Variants in FAM200A observed in about 807,000 individuals in gnomAD.
The protein encoded by FAM200A is ZBED8 like, also known as protein FAM200A.
Under a neutral mutation model 44.2 loss-of-function variants are expected in FAM200A, and 26 were observed. That is an observed-to-expected ratio of 0.59 (90% CI 0.43 to 0.82). The LOEUF (loss-of-function observed/expected upper bound fraction) is 0.82, where lower values mean the gene tolerates loss of function less well. Among genes scored for constraint, FAM200A ranks in the 40% least tolerant of loss-of-function variants. The pLI is 0.00. For missense variants in FAM200A, 606 were observed against 669.5 expected (o/e 0.91, Z 1.05); for synonymous variants, 206 against 244.4 (o/e 0.84, Z 1.47).
chr7:99,551,889 T>C lies in FAM200A; in HGVS notation c.-135A>G, dbSNP rs536583241. 10 of 985,544 alleles carry C rather than the reference T, an allele frequency of 1.0e-5. No individual in the cohort carries two copies. In the East Asian group the frequency reaches 4.5e-4, roughly 45 times the overall value. The allele number at this position is 985,544 out of a possible 1,614,324, so 61.0% of individuals were successfully genotyped here. On this transcript the variant is annotated 5_prime_UTR_variant, in exon 1 of 2. Transcript: ENST00000449309. ...GGACACCTCTGCTGGGGGACAGCGC[T>C]TGCCACCGCCGAGGCTGGCGCGAGG... is the stretch of plus-strand genomic sequence containing the variant.
intron 1 of FAM200A, among the ~76,000 whole-genome samples, chr7:99,550,189 C>A (rs1802496340): frequency 6.6e-6 from 1 of 151,966 alleles, no homozygotes; most frequent in Non-Finnish European, 1.5e-5. Context: ...CAGCTCACTG[C>A]AACCTCCGCC....
At position 99,547,871 on chromosome 7, in the gene FAM200A, A is replaced by G. The variant is rs1290252765; in HGVS notation, c.537T>C (p.Asn179=). 1.3e-6 allele frequency: 2 copies of G among 1,551,158 alleles called. No homozygotes were observed. ...ATAAATCTAATCCAGTTATATGTGA[A>G]TTTAAATTTAAACAACATAAGAGAT... ...VEDLLCCLNL[N]SHITGLDLFT... is the part of the protein sequence containing the mutation. Residue 179 remains asparagine (N), a synonymous_variant, in exon 2 of 2, where the codon AAT becomes AAC. Coordinates refer to ENST00000449309, the MANE Select transcript of FAM200A (RefSeq NM_145111.4).
upstream of FAM200A, among the ~76,000 whole-genome samples, chr7:99,555,689 G>C (rs375232610): frequency 3.2e-4 from 49 of 152,212 alleles, no homozygotes; most frequent in African/African-American, 1.2e-3. Context: ...TGGGTGGATT[G>C]CTTGAGGTCA....
chr7:99,556,553 T>A (rs534455635), upstream of FAM200A, among the ~76,000 whole-genome samples: 39 of 152,342 alleles, frequency 2.6e-4, no homozygotes, highest in African/African-American at 8.9e-4. Flanking sequence ...CTGGACTTTC[T>A]GTTCTGCTCT....
upstream of FAM200A, among the ~76,000 whole-genome samples, chr7:99,554,977 A>G (rs1211523042): frequency 2.0e-5 from 3 of 152,218 alleles, no homozygotes; most frequent in Non-Finnish European, 2.9e-5. Flanking sequence ...TTGCCTTAGA[A>G]GGCATGACCT....
chr7:99,547,382 T>A lies in FAM200A; in HGVS notation c.1026A>T (p.Thr342=), dbSNP rs1276247272. 1 of 1,549,714 alleles carries A rather than the reference T, an allele frequency of 6.5e-7. No homozygotes were observed. The highest frequency in any genetic ancestry group is 8.7e-7 in the Non-Finnish European group (1 of 1,146,522). The change falls in exon 2 of 2, where the codon ACA becomes ACT. Residue 342 remains threonine, a synonymous_variant. Coordinates refer to ENST00000449309, the MANE Select transcript of FAM200A (RefSeq NM_145111.4). The stretch of plus-strand genomic sequence containing the variant: ...AAATATCACTTAAATATGCCAATTT[T>A]GTTACCCAAATGTCGTCTTCAAAAA... ...ANIFEDDIWV[T]KLAYLSDIFG...
intron 1 of FAM200A, chr7:99,558,264 T>C (rs1004231265): frequency 6.6e-6 from 1 of 152,154 alleles, no homozygotes; most frequent in Non-Finnish European, 1.5e-5. Flanking sequence ...GCGGGACCAT[T>C]AGGTCGGCCA....
chr7:99,551,792 C>T (rs1802538267), intron 1 of FAM200A, 62 bp downstream of exon 1: 7 of 981,692 alleles, frequency 7.1e-6, no homozygotes, highest in Non-Finnish European at 8.5e-6. Flanking sequence ...ACACGCAGAC[C>T]GCCTCTCTCC....
At position 99,547,959 on chromosome 7, in the gene FAM200A, A is replaced by G. The variant is rs1429514265; in HGVS notation, c.449T>C (p.Ile150Thr). Residue 150 changes from isoleucine (I) to threonine (T), a missense_variant, in exon 2 of 2, where the codon ATT (isoleucine) becomes ACT (threonine). Physicochemically the swap from Ile to Thr is moderately conservative, Grantham distance 89. Coordinates refer to ENST00000449309, the MANE Select transcript of FAM200A (RefSeq NM_145111.4). ...FAIQLDESTD[I>T]ASCPTLLVYV... ...AACCAAGAGTGTGGGACAACTTGCA[A>G]TATCAGTGCTCTCATCGAGTTGGAT... 29 of 1,551,376 alleles carry G rather than the reference A, an allele frequency of 1.9e-5. No homozygotes were observed. Among genetic ancestry groups the G allele is most frequent in the Non-Finnish European group, 2.2e-5 (25 of 1,146,994 alleles).
chr7:99,556,293 T>C (rs568847014), upstream of FAM200A, among the ~76,000 whole-genome samples: 3 of 152,276 alleles, frequency 2.0e-5, no homozygotes, highest in East Asian at 5.8e-4. Flanking sequence ...CGGACTACAC[T>C]GTGACAGAGA....
At chr7:99,556,295 T>A (rs1802673895), upstream of FAM200A, among the ~76,000 whole-genome samples, 1 of 152,172 alleles carries the variant, frequency 6.6e-6, no homozygotes, top group South Asian at 2.1e-4. Flanking sequence ...GACTACACTG[T>A]GACAGAGAAC....
chr7:99,558,269 C>T, intron 1 of FAM200A: 1 of 152,394 alleles, frequency 6.6e-6, no homozygotes, highest in Non-Finnish European at 1.5e-5. Flanking sequence ...ACCATTAGGT[C>T]GGCCATTCCT....
Position 99,548,490 on chromosome 7 carries a change from G to A in FAM200A, c.-83C>T. 6.6e-7 allele frequency: 1 copy of A among 1,526,164 alleles called. No individual in the cohort carries two copies. The highest frequency in any genetic ancestry group is 8.8e-7 in the Non-Finnish European group (1 of 1,140,630). 94.5% of individuals were successfully genotyped at this position (1,526,164 alleles called of 1,614,324 possible). On this transcript the variant is annotated 5_prime_UTR_variant, in exon 2 of 2. Coordinates refer to ENST00000449309, the MANE Select transcript of FAM200A (RefSeq NM_145111.4). ...GTCCTTTGTGACCTAGGTTTTATGAGATCAGGTTTTGCTATCCTGCAGGGT... is the reference window on the plus strand; with the variant it reads ...GTCCTTTGTGACCTAGGTTTTATGAAATCAGGTTTTGCTATCCTGCAGGGT...
chr7:99,553,085 ATATATATATATATATTT>A (rs1227439016), upstream of FAM200A, among the ~76,000 whole-genome samples: 4 of 97,780 alleles, frequency 4.1e-5, no homozygotes, highest in Admixed American at 2.0e-4. Flanking sequence ...ATATATATAT[ATATATATATATATATTT>A]TTTTTTTTTT....
At position 99,546,493 on chromosome 7, in the gene FAM200A, C is replaced by A; in HGVS notation, c.*193G>T. ...AAGAGATTCTCCTGCCTCAGGCACC[C>A]AAGTAACTGGGACTGCAGGCATGTG... On this transcript the variant is annotated 3_prime_UTR_variant, in exon 2 of 2. Coordinates refer to ENST00000449309, the MANE Select transcript of FAM200A (RefSeq NM_145111.4). 2.2e-6 allele frequency: 1 copy of A among 458,876 alleles called. No homozygotes were observed. The highest frequency in any genetic ancestry group is 7.4e-5 in the South Asian group (1 of 13,470). 28.4% of individuals were successfully genotyped at this position (458,876 alleles called of 1,614,324 possible).
At position 99,547,344 on chromosome 7, in the gene FAM200A, T is replaced by G. The variant is rs929113892; in HGVS notation, c.1064A>C (p.Asn355Thr). ...CCCCTGCATTTTCAGGCTTAATTCA[T>G]TAAGAATGCCAAAAATATCACTTAA... ...AYLSDIFGIL[N>T]ELSLKMQGKN... is the part of the protein sequence containing the mutation. The change falls in exon 2 of 2, where the codon AAT becomes ACT. Residue 355 changes from asparagine to threonine, a missense_variant. Coordinates refer to ENST00000449309, the MANE Select transcript of FAM200A (RefSeq NM_145111.4). 4.5e-6 allele frequency: 7 copies of G among 1,549,802 alleles called. No individual in the cohort carries two copies. The African/African-American group carries it at 8.2e-5, about 18-fold the overall frequency.
chr7:99,552,141 C>G (rs1802551478), upstream of FAM200A: 1 of 985,392 alleles, frequency 1.0e-6, no homozygotes, highest in South Asian at 4.7e-5. Context: ...TCACACCCGC[C>G]TTCCGGAGCT....
In FAM200A at chr7:99,548,049, C is replaced by T; in HGVS notation, c.359G>A (p.Cys120Tyr). The change falls in exon 2 of 2, where the codon TGT becomes TAT. Residue 120 changes from cysteine (C) to tyrosine (Y), a missense_variant. Coordinates refer to ENST00000449309, the MANE Select transcript of FAM200A (RefSeq NM_145111.4). ...TGCTTCCAAATGTTTTGCAATCGTA[C>T]AGATTCGACGAGATATTGTATTATC... The part of the protein sequence containing the change: ...LSDNTISRRI[C>Y]TIAKHLEAML... 6.4e-7 allele frequency: 1 copy of T among 1,551,568 alleles called. No individual in the cohort carries two copies. The highest frequency in any genetic ancestry group is 8.7e-7 in the Non-Finnish European group (1 of 1,146,974).
intron 1 of FAM200A, 109 bp from the exon 2 acceptor site, chr7:99,548,615 G>A: frequency 1.1e-6 from 1 of 919,270 alleles, no homozygotes; most frequent in Non-Finnish European, 1.6e-6. Context: ...CATGGTAAAT[G>A]ATGAGCAACT....
Sources: gnomAD v4.1 joint callset for allele counts (sites outside exome capture counted in the v4.1 genomes callset) on GRCh38, gnomAD v4.1.1 for gene constraint, MANE v1.5 for transcripts, NCBI Gene and HGNC (gene_info 2026-07-23, HGNC 2026-07-21) for gene names.